Variants in KCNH5 observed in about 807,000 individuals in gnomAD.
The protein encoded by KCNH5 is voltage-gated delayed rectifier potassium channel KCNH5.
KCNH5 carries 46 observed loss-of-function variants against 96.1 expected under a neutral mutation model. The ratio of observed to expected loss-of-function variants is 0.48; its 90% confidence interval spans 0.38 to 0.61. The LOEUF (loss-of-function observed/expected upper bound fraction) is 0.61. KCNH5 is among the 20% of genes least tolerant of loss of function. The probability of loss-of-function intolerance (pLI) is 0.00; values close to 1 mark genes in which losing one functional copy is unlikely to be tolerated. For synonymous variants in KCNH5, 439 were observed against 449.8 expected, an observed-to-expected ratio of 0.98 and a Z score of 0.30; for missense variants, 907 against 1,225.8, an observed-to-expected ratio of 0.74 and a Z score of 3.88.
At chr14:62,857,098 T>C (rs1239376483) in intron 7 of KCNH5, among the ~76,000 whole-genome samples, 1 of 152,134 alleles carries the variant, frequency 6.6e-6, no homozygotes, top group East Asian at 1.9e-4. Flanking sequence ...GTGATTACCA[T>C]AACTGACTTT....
At chr14:62,978,311 G>A (rs1890539364) in intron 6 of KCNH5, among the ~76,000 whole-genome samples, 1 of 152,220 alleles carries the variant, frequency 6.6e-6, no homozygotes, top group Admixed American at 6.5e-5. Context: ...GACCCAGGGT[G>A]CCGCTGACCG....
At chr14:62,772,636 G>C (rs1189043766) in intron 10 of KCNH5, among the ~76,000 whole-genome samples, 1 of 84,730 alleles carries the variant, frequency 1.2e-5, no homozygotes, top group Non-Finnish European at 2.3e-5. Context: ...GACTTTGTCT[G>C]AAAAAAAAAA....
chr14:62,845,102 C>T (rs147002927), intron 8 of KCNH5, among the ~76,000 whole-genome samples: 4,728 of 151,564 alleles, frequency 0.031, 94 homozygotes, highest in Middle Eastern at 0.044. Context: ...AATTTGATAA[C>T]CTCTATTTAA....
At chr14:62,966,770 G>T (rs1385988748) in intron 6 of KCNH5, among the ~76,000 whole-genome samples, 1 of 152,072 alleles carries the variant, frequency 6.6e-6, no homozygotes, top group Non-Finnish European at 1.5e-5. Flanking sequence ...TCCTTGCCTT[G>T]CTGTTTCCTC....
chr14:63,007,519 G>T (rs1956679), intron 2 of KCNH5, among the ~76,000 whole-genome samples: 43,277 of 151,934 alleles, frequency 0.28, 7,335 homozygotes, highest in East Asian at 0.57. Flanking sequence ...GTTTTACTAT[G>T]ATATCATCTC....
chr14:62,890,579 G>T (rs867707467), intron 7 of KCNH5, among the ~76,000 whole-genome samples: 9 of 151,448 alleles, frequency 5.9e-5, no homozygotes, highest in Admixed American at 3.9e-4. Flanking sequence ...GGCGCCTGTA[G>T]TCCCAGCTAC....
rs561928394 is a variant in KCNH5 at position 62,861,558 on chromosome 14, C to T, written c.1370-11706G>A. 1.5e-3 allele frequency among the ~76,000 whole-genome samples: 221 copies of T among 151,648 alleles called. 2 individuals carry two copies. Among genetic ancestry groups the T allele is most frequent in the Non-Finnish European group, 2.4e-3 (161 of 67,934 alleles). ...AAATTATGTAGCTGATGACACATGT[C>T]TTTGTCGCTTCTATTTTGTTTCTAT... On this transcript the variant is annotated intron_variant, in intron 7 of 10. Coordinates refer to ENST00000322893, the MANE Select transcript of KCNH5 (RefSeq NM_139318.5).
chr14:62,720,818 G>C (rs1177172183), intron 10 of KCNH5, among the ~76,000 whole-genome samples: 1 of 152,138 alleles, frequency 6.6e-6, no homozygotes, highest in Non-Finnish European at 1.5e-5. Flanking sequence ...ATGGTACCTG[G>C]AATGGTGGCC....
chr14:62,843,004 G>A (rs1232930826), intron 8 of KCNH5, among the ~76,000 whole-genome samples: 1 of 152,206 alleles, frequency 6.6e-6, no homozygotes, highest in East Asian at 1.9e-4. Flanking sequence ...CTACATATGT[G>A]CCTAAATCTT....
intron 10 of KCNH5, among the ~76,000 whole-genome samples, 189 bp downstream of exon 10, chr14:62,779,539 C>A (rs547843926): frequency 6.6e-6 from 1 of 152,008 alleles, no homozygotes; most frequent in East Asian, 1.9e-4. Flanking sequence ...AATCTTTACT[C>A]ATAGAAATAG....
chr14:62,895,648 T>TA (rs1362456069), intron 7 of KCNH5, among the ~76,000 whole-genome samples: 4 of 151,880 alleles, frequency 2.6e-5, no homozygotes, highest in Non-Finnish European at 5.9e-5. Flanking sequence ...AGTATGGGAG[T>TA]AAAAAACAAA....
chr14:62,846,942 A>G (rs751047801), intron 8 of KCNH5, among the ~76,000 whole-genome samples: 2 of 148,104 alleles, frequency 1.4e-5, no homozygotes, highest in African/African-American at 2.5e-5. Flanking sequence ...CTGGGACTAC[A>G]GGCGCCCGCC....
intron 6 of KCNH5, among the ~76,000 whole-genome samples, chr14:62,976,844 A>C (rs556898267): frequency 2.4e-4 from 37 of 152,298 alleles, no homozygotes; most frequent in African/African-American, 8.7e-4. Context: ...TGAAAGAGTA[A>C]AGAGAGGTTT....
chr14:62,928,823 C>T (rs140208605), intron 7 of KCNH5, among the ~76,000 whole-genome samples: 1 of 152,174 alleles, frequency 6.6e-6, no homozygotes, highest in East Asian at 1.9e-4. Context: ...CTGGTTTCAC[C>T]TCATCTCACT....
chr14:62,779,966 G>C (rs746972401), intron 9 of KCNH5, 42 bp from the exon 10 acceptor site: 6 of 1,491,008 alleles, frequency 4.0e-6, no homozygotes, highest in Admixed American at 2.0e-5. Flanking sequence ...ATCTAACACT[G>C]TTCTTATTTA....
At chr14:62,910,924 CACACACACACACACA>C (rs1386800418) in intron 7 of KCNH5, among the ~76,000 whole-genome samples, 3 of 143,512 alleles carry the variant, frequency 2.1e-5, no homozygotes, top group Non-Finnish European at 3.0e-5. Flanking sequence ...CACACACACA[CACACACACACACACA>C]CACCCCTCTG....
At chr14:63,021,111 CCACT>C (rs1202780276) in intron 1 of KCNH5, among the ~76,000 whole-genome samples, 16 of 152,202 alleles carry the variant, frequency 1.1e-4, no homozygotes, top group Admixed American at 3.9e-4. Flanking sequence ...CATAAGCTGT[CCACT>C]TCATGACTAG....
At chr14:62,985,544 C>T (rs749192362) in intron 5 of KCNH5, among the ~76,000 whole-genome samples, 4 of 152,170 alleles carry the variant, frequency 2.6e-5, no homozygotes, top group African/African-American at 4.8e-5. Context: ...TGAGTGCAAA[C>T]GTAGTGCTCA....
chr14:62,779,910 A>G lies in KCNH5; in HGVS notation c.1837T>C (p.Phe613Leu). The G allele has an allele frequency of 6.2e-7, 1 of 1,612,764 alleles. No homozygotes were observed. Among genetic ancestry groups the G allele is most frequent in the Non-Finnish European group, 8.5e-7 (1 of 1,179,368 alleles). ...GTTTCCTTCCAGAAGATGTCTCCAA[A>G]TACATCACCCTTCCCTAGAAAACAG... Reference protein sequence around the residue: ...VVAILGKGDVFGDIFWKETTL... With the variant: ...VVAILGKGDVLGDIFWKETTL... Residue 613 changes from phenylalanine to leucine, a missense_variant, in exon 10 of 11, where the codon TTT becomes CTT. By Grantham distance (22) the Phe-to-Leu change is conservative. Coordinates refer to ENST00000322893, the MANE Select transcript of KCNH5 (RefSeq NM_139318.5).
Sources: allele counts gnomAD v4.1 joint callset (sites outside exome capture counted in the v4.1 genomes callset), GRCh38; gene constraint gnomAD v4.1.1; transcripts MANE v1.5; gene names NCBI Gene and HGNC (gene_info 2026-07-23, HGNC 2026-07-21).